Variants in LUC7L2 observed in about 807,000 individuals in gnomAD.
The protein encoded by LUC7L2 is LUC7 like 2, pre-mRNA splicing factor.
LUC7L2 carries 25 observed loss-of-function variants against 52.8 expected under a neutral mutation model. That is an observed-to-expected ratio of 0.47 (90% CI 0.34 to 0.66). The LOEUF (loss-of-function observed/expected upper bound fraction) is 0.66. Ranked by LOEUF, LUC7L2 falls within the 30% of genes least tolerant of loss-of-function variation. LUC7L2 has a pLI of 0.01. For synonymous variants in LUC7L2, 144 were observed against 160.9 expected, an observed-to-expected ratio of 0.89 and a Z score of 0.80; for missense variants, 328 against 497.8, an observed-to-expected ratio of 0.66 and a Z score of 3.25.
At chr7:139,408,193 G>A (rs1795202110) in intron 6 of LUC7L2, among the ~76,000 whole-genome samples, 1 of 152,090 alleles carries the variant, frequency 6.6e-6, no homozygotes, top group Non-Finnish European at 1.5e-5. Flanking sequence ...AGGTAACAGT[G>A]GGCTCTTTTC....
chr7:139,344,715 T>C (rs868700760), intron 1 of LUC7L2, among the ~76,000 whole-genome samples: 7 of 126,414 alleles, frequency 5.5e-5, no homozygotes, highest in South Asian at 2.6e-4. Context: ...TTTTTTTTTT[T>C]TTGTTGAGAT....
At chr7:139,419,340 T>A (rs960778861) in intron 9 of LUC7L2, among the ~76,000 whole-genome samples, 14 of 152,242 alleles carry the variant, frequency 9.2e-5, no homozygotes, top group Non-Finnish European at 1.9e-4. Context: ...TAGAATCAGC[T>A]AGGAAAAAGA....
At chr7:139,378,701 C>T (rs949149021) in intron 2 of LUC7L2, among the ~76,000 whole-genome samples, 3 of 152,198 alleles carry the variant, frequency 2.0e-5, no homozygotes, top group Non-Finnish European at 2.9e-5. Flanking sequence ...TCCCAAAAAG[C>T]ATTTGTTCTT....
At chr7:139,413,867 A>T (rs1283761789) in intron 8 of LUC7L2, among the ~76,000 whole-genome samples, 4 of 152,218 alleles carry the variant, frequency 2.6e-5, no homozygotes. Flanking sequence ...AAGAACATTA[A>T]TAAGTGGGGC....
chr7:139,422,480 C>G lies in LUC7L2; in HGVS notation c.*140C>G. On this transcript the variant is annotated 3_prime_UTR_variant, in exon 10 of 10. Coordinates refer to ENST00000354926, the MANE Select transcript of LUC7L2 (RefSeq NM_016019.5). ...CTAGATGTACAGTATCTAACTTGAT[C>G]TGAACTGAACCTGTTTTCCTTGATG... is the stretch of plus-strand genomic sequence containing the variant. The G allele has an allele frequency of 7.3e-7, 1 of 1,369,224 alleles. No individual in the cohort carries two copies. The highest frequency in any genetic ancestry group is 2.6e-5 in the East Asian group (1 of 38,456). 84.8% of individuals were successfully genotyped at this position (1,369,224 alleles called of 1,614,324 possible).
At chr7:139,398,904 G>A (rs554846169) in intron 3 of LUC7L2, among the ~76,000 whole-genome samples, 5 of 152,210 alleles carry the variant, frequency 3.3e-5, no homozygotes, top group East Asian at 1.9e-4. Context: ...TGTAACAGTC[G>A]TATGATTCAT....
chr7:139,411,720 G>T (rs571551727), intron 7 of LUC7L2, among the ~76,000 whole-genome samples: 4 of 152,156 alleles, frequency 2.6e-5, no homozygotes, highest in Non-Finnish European at 5.9e-5. Flanking sequence ...TGTGACAAGT[G>T]CCTTAAGTAG....
intron 4 of LUC7L2, among the ~76,000 whole-genome samples, chr7:139,405,358 G>A (rs1795074312): frequency 6.6e-6 from 1 of 152,142 alleles, no homozygotes; most frequent in African/African-American, 2.4e-5. Flanking sequence ...AAAGTACAAA[G>A]GGCCAGATCA....
chr7:139,368,719 C>T (rs1569370493), intron 1 of LUC7L2, among the ~76,000 whole-genome samples: 4 of 136,036 alleles, frequency 2.9e-5, no homozygotes, highest in Non-Finnish European at 1.5e-5. Flanking sequence ...GCCTGGGCGA[C>T]AGAGTGAGAC....
At chr7:139,415,401 C>A (rs1014583627) in intron 8 of LUC7L2, among the ~76,000 whole-genome samples, 1 of 151,660 alleles carries the variant, frequency 6.6e-6, no homozygotes, top group African/African-American at 2.4e-5. Flanking sequence ...GAAAAAATTA[C>A]CTAGAATTTT....
chr7:139,405,838 A>G (rs772091487), intron 5 of LUC7L2, 51 bp downstream of exon 5: 2 of 1,532,998 alleles, frequency 1.3e-6, no homozygotes, highest in East Asian at 4.7e-5. Context: ...GTAAGACTAC[A>G]AATAAAAAGT....
At chr7:139,393,033 G>A (rs577045053) in intron 2 of LUC7L2, among the ~76,000 whole-genome samples, 1 of 152,012 alleles carries the variant, frequency 6.6e-6, no homozygotes, top group Non-Finnish European at 1.5e-5. Context: ...TTGGGAGGCC[G>A]AGGCGGTTGA....
chr7:139,403,088 C>G (rs1168644770), intron 4 of LUC7L2, among the ~76,000 whole-genome samples: 1 of 152,176 alleles, frequency 6.6e-6, no homozygotes, highest in East Asian at 1.9e-4. Flanking sequence ...GAGATTCATT[C>G]AAGTTGTGTG....
At chr7:139,400,065 A>C (rs534499211) in intron 3 of LUC7L2, among the ~76,000 whole-genome samples, 1 of 152,314 alleles carries the variant, frequency 6.6e-6, no homozygotes, top group South Asian at 2.1e-4. Flanking sequence ...ATTTCTGCTA[A>C]TGGAAATGAA....
At chr7:139,414,298 C>T (rs1057325303) in intron 8 of LUC7L2, among the ~76,000 whole-genome samples, 1 of 152,206 alleles carries the variant, frequency 6.6e-6, no homozygotes, top group Non-Finnish European at 1.5e-5. Context: ...GACGGTGTGG[C>T]CTGGGGTGTC....
intron 1 of LUC7L2, among the ~76,000 whole-genome samples, chr7:139,363,772 G>C (rs1331537464): frequency 6.6e-6 from 1 of 152,108 alleles, no homozygotes. Flanking sequence ...AATTGTCTGT[G>C]TGACAGTTGG....
intron 1 of LUC7L2, 144 bp from the exon 2 acceptor site, chr7:139,375,918 G>A (rs543346456): frequency 4.1e-6 from 3 of 733,496 alleles, no homozygotes; most frequent in Non-Finnish European, 6.4e-6. Flanking sequence ...TTTTTCTATA[G>A]GATGTATATA....
chr7:139,357,501 T>A (rs981233470), upstream of LUC7L2, among the ~76,000 whole-genome samples: 6 of 152,182 alleles, frequency 3.9e-5, no homozygotes, highest in African/African-American at 1.4e-4. Context: ...TTAAATACAC[T>A]GTTTTTCAGG....
intron 2 of LUC7L2, among the ~76,000 whole-genome samples, chr7:139,384,443 T>G (rs1794102849): frequency 6.6e-6 from 1 of 152,162 alleles, no homozygotes; most frequent in Admixed American, 6.5e-5. Flanking sequence ...TTTCCAAATT[T>G]AGGTTTGAAG....
Sources: gnomAD v4.1 joint callset for allele counts (sites outside exome capture counted in the v4.1 genomes callset) on GRCh38, gnomAD v4.1.1 for gene constraint, MANE v1.5 for transcripts, NCBI Gene and HGNC (gene_info 2026-07-23, HGNC 2026-07-21) for gene names.